AKAP8: variants seen among roughly 807,000 people sequenced by gnomAD.
The protein encoded by AKAP8 is A-kinase anchor protein 8.
AKAP8 carries 24 observed loss-of-function variants against 67.5 expected under a neutral mutation model. That is an observed-to-expected ratio of 0.36 (90% CI 0.26 to 0.50). The LOEUF is 0.50. AKAP8 is among the 20% of genes least tolerant of loss of function. The pLI is 0.97. For missense variants in AKAP8, 971 were observed against 955.9 expected (o/e 1.02, Z -0.21); for synonymous variants, 400 against 371.1 (o/e 1.08, Z -0.90).
chr19:15,372,987 C>A lies in AKAP8; in HGVS notation c.725G>T (p.Arg242Leu), dbSNP rs766422224. 3 of 1,564,922 alleles carry A rather than the reference C, an allele frequency of 1.9e-6. No individual in the cohort carries two copies. In the Admixed American group the frequency reaches 5.6e-5, roughly 29 times the overall value. ...GRGLGGPSPS[R>L]PPPSLFSQSM... ...CTGGGAGAAGAGGGACGGAGGTGGC[C>A]GGCTGGGGGAGGGCCCTCCCAGGCC... Residue 242 changes from arginine to leucine, a missense_variant, in exon 5 of 14, where the codon CGG (arginine) becomes CTG (leucine). Arg to Leu is a moderately radical substitution (Grantham distance 102). Transcript: ENST00000269701.
At chr19:15,378,760 G>A (rs1967305673) in intron 1 of AKAP8, among the ~76,000 whole-genome samples, 1 of 152,184 alleles carries the variant, frequency 6.6e-6, no homozygotes, top group Admixed American at 6.5e-5. Context: ...GCTCCACCCA[G>A]CATGTCCCAA....
intron 10 of AKAP8, 91 bp downstream of exon 10, chr19:15,362,019 G>C: frequency 6.5e-7 from 1 of 1,543,270 alleles, no homozygotes; most frequent in South Asian, 1.2e-5. Context: ...CCTTGGCCAA[G>C]TATAGCCTCT....
intron 5 of AKAP8, 149 bp downstream of exon 5, chr19:15,372,702 G>A (rs2145082820): frequency 8.4e-7 from 1 of 1,195,468 alleles, no homozygotes; most frequent in African/African-American, 1.5e-5. Context: ...GTGATGGTGG[G>A]GATGGTTGCA....
rs1356694735 is a variant in AKAP8 at position 15,369,691 on chromosome 19, A to G, written c.1072+455T>C. On this transcript the variant is annotated intron_variant, in intron 8 of 13. Transcript: ENST00000269701. The surrounding 1 kb of genome is among the most constrained non-coding windows in gnomAD (Gnocchi z 4.6). Reference sequence around the variant, plus strand: ...CACTCGCAGGCACGAAGCAATGTGCAGTGCAGCTGCCAGTATCCCCACCAC... The same window carrying G: ...CACTCGCAGGCACGAAGCAATGTGCGGTGCAGCTGCCAGTATCCCCACCAC... Among the ~76,000 whole-genome samples, 1 of 152,222 alleles carries G rather than the reference A, an allele frequency of 6.6e-6. No individual in the cohort carries two copies. The highest frequency in any genetic ancestry group is 6.5e-5 in the Admixed American group (1 of 15,282).
At chr19:15,373,382 C>T (rs1301108055) in intron 4 of AKAP8, 42 bp from the exon 5 acceptor site, 1 of 1,555,832 alleles carries the variant, frequency 6.4e-7, no homozygotes, top group Non-Finnish European at 8.7e-7. Flanking sequence ...TCACCCCGAT[C>T]ACCCACTGCC....
intron 9 of AKAP8, among the ~76,000 whole-genome samples, chr19:15,366,154 G>GAAAAAAAAAAAAAAACA (rs374068497): frequency 1.1e-5 from 1 of 95,028 alleles, no homozygotes; most frequent in African/African-American, 4.3e-5. Context: ...AAAGCAAAAA[G>GAAAAAAAAAAAAAAACA]AAAAAAAAAA....
chr19:15,360,460 C>T (rs1382892321), intron 12 of AKAP8, among the ~76,000 whole-genome samples: 1 of 152,106 alleles, frequency 6.6e-6, no homozygotes, highest in African/African-American at 2.4e-5. Context: ...AACACTTGAC[C>T]CCTGGGCTCA....
intron 2 of AKAP8, 111 bp from the exon 3 acceptor site, chr19:15,374,746 G>T: frequency 7.9e-7 from 1 of 1,263,566 alleles, no homozygotes; most frequent in Non-Finnish European, 1.1e-6. Context: ...GCTTCCCTCC[G>T]CAGCGCTCAG....
intron 9 of AKAP8, among the ~76,000 whole-genome samples, chr19:15,364,613 T>C (rs542014260): frequency 1.3e-5 from 2 of 151,742 alleles, no homozygotes; most frequent in Middle Eastern, 3.4e-3. Flanking sequence ...CCTCCCAAAG[T>C]GCTGGGATTA....
intron 12 of AKAP8, among the ~76,000 whole-genome samples, chr19:15,360,024 A>G (rs1159075948): frequency 6.6e-6 from 1 of 152,016 alleles, no homozygotes; most frequent in Non-Finnish European, 1.5e-5. Flanking sequence ...AATCCCAGCT[A>G]CTTAGGAGGC....
Position 15,374,647 on chromosome 19 carries a change from C to G in AKAP8, c.59-12G>C, listed in dbSNP as rs758374854. 1 of 1,612,868 alleles carries G rather than the reference C, an allele frequency of 6.2e-7. No homozygotes were observed. Among genetic ancestry groups the G allele is most frequent in the African/African-American group, 1.3e-5 (1 of 74,812 alleles). The stretch of plus-strand genomic sequence containing the variant: ...AGTTCCATATGCACCTTAGGGGAAA[C>G]AGAAACACACAAGAGCCCTGTTTGC... On this transcript the variant is annotated splice_polypyrimidine_tract_variant and intron_variant, in intron 2 of 13. Transcript: ENST00000269701.
chr19:15,361,954 C>G (rs1966973553), intron 10 of AKAP8, 132 bp from the exon 11 acceptor site: 1 of 1,347,314 alleles, frequency 7.4e-7, no homozygotes, highest in Non-Finnish European at 1.0e-6. Context: ...GCTGGAGCTC[C>G]CGGTTGTCCC....
At chr19:15,364,142 T>C (rs573468579) in intron 9 of AKAP8, among the ~76,000 whole-genome samples, 1 of 117,622 alleles carries the variant, frequency 8.5e-6, no homozygotes, top group Admixed American at 8.8e-5. Context: ...GGATTTTCAG[T>C]AATTTTTTTT....
rs558468676 is a variant in AKAP8 at position 15,375,015 on chromosome 19, C to T, written c.59-380G>A. Among the ~76,000 whole-genome samples the T allele has an allele frequency of 3.3e-4, 51 of 152,272 alleles. 1 individual carries two copies. The highest frequency in any genetic ancestry group is 3.4e-3 in the Middle Eastern group (1 of 294). On this transcript the variant is annotated intron_variant, in intron 2 of 13. Coordinates refer to ENST00000269701, the MANE Select transcript of AKAP8 (RefSeq NM_005858.4). Reference sequence around the variant, plus strand: ...AGTGCAGGCGCTGCCAACTGCACAGCGAAGCATTGGTGCAAAGTCACGTCC... The same window carrying T: ...AGTGCAGGCGCTGCCAACTGCACAGTGAAGCATTGGTGCAAAGTCACGTCC...
At chr19:15,372,538 C>T (rs571324276) in intron 5 of AKAP8, among the ~76,000 whole-genome samples, 191 bp from the exon 6 acceptor site, 12 of 152,096 alleles carry the variant, frequency 7.9e-5, no homozygotes, top group African/African-American at 2.9e-4. Context: ...CAAAAGGCCA[C>T]ACGTTTCGCG....
chr19:15,373,142 C>G lies in AKAP8; in HGVS notation c.570G>C (p.Arg190=). Residue 190 remains arginine, a synonymous_variant, in exon 5 of 14, where the codon CGG becomes CGC. Coordinates refer to ENST00000269701, the MANE Select transcript of AKAP8 (RefSeq NM_005858.4). ...RGSLDGFMRG[R]GQGRFQDRSN... is the part of the protein sequence containing the mutation. ...TCCGGTCCTGGAAGCGGCCCTGGCC[C>G]CGGCCCCGCATGAAGCCATCAAGGG... The G allele has an allele frequency of 6.2e-7, 1 of 1,613,154 alleles. No individual in the cohort carries two copies. Among genetic ancestry groups the G allele is most frequent in the Non-Finnish European group, 8.5e-7 (1 of 1,179,930 alleles).
At position 15,377,034 on chromosome 19, in the gene AKAP8, G is replaced by C; in HGVS notation, c.20-20C>G. On this transcript the variant is annotated intron_variant, in intron 1 of 13. Coordinates refer to ENST00000269701, the MANE Select transcript of AKAP8 (RefSeq NM_005858.4). ...CGTAGCCTGCAAGAAGACCCCGTGA[G>C]TTAAAATTCTATTTGTCACACCAGA... is the stretch of plus-strand genomic sequence containing the variant. The C allele has an allele frequency of 6.2e-7, 1 of 1,611,804 alleles. No individual in the cohort carries two copies. Among genetic ancestry groups the C allele is most frequent in the Non-Finnish European group, 8.5e-7 (1 of 1,179,102 alleles).
rs553223730 is a variant in AKAP8, at chr19:15,369,776, A to G, written c.1072+370T>C. On this transcript the variant is annotated intron_variant, in intron 8 of 13. Transcript: ENST00000269701. The surrounding 1 kb of genome is among the most constrained non-coding windows in gnomAD (Gnocchi z 4.6). ...AAGGAACTGGACAAAAGGAAGCCCC[A>G]GAGAAAACACTTCAGGGAAATGCAC... Among the ~76,000 whole-genome samples the G allele has an allele frequency of 6.6e-6, 1 of 152,340 alleles. No individual in the cohort carries two copies. Among genetic ancestry groups the G allele is most frequent in the African/African-American group, 2.4e-5 (1 of 41,590 alleles).
rs1348414910 is a variant in AKAP8 at position 15,353,666 on chromosome 19, G to C, written c.*1249C>G. The C allele has an allele frequency of 1.3e-5, 2 of 152,130 alleles. No individual in the cohort carries two copies. Among genetic ancestry groups the C allele is most frequent in the African/African-American group, 2.4e-5 (1 of 41,428 alleles). 9.4% of individuals were successfully genotyped at this position (152,130 alleles called of 1,614,324 possible). ...GTGAGTTAGCCCCTGGTATACAGTA[G>C]AGGCTCGGCAAATATTCTACAGCCT... On this transcript the variant is annotated 3_prime_UTR_variant, in exon 14 of 14. Transcript: ENST00000269701.
Sources: allele counts gnomAD v4.1 joint callset (sites outside exome capture counted in the v4.1 genomes callset), GRCh38; gene constraint gnomAD v4.1.1; non-coding constraint Gnocchi (gnomAD v3.1); transcripts MANE v1.5; gene names NCBI Gene and HGNC (gene_info 2026-07-23, HGNC 2026-07-21).